Variants in PPM1L observed in about 807,000 individuals in gnomAD.
The protein encoded by PPM1L is protein phosphatase, Mg2+/Mn2+ dependent 1L.
A neutral mutation model predicts 31.4 loss-of-function variants in PPM1L; 13 were observed. That is an observed-to-expected ratio of 0.41 (90% CI 0.27 to 0.66). The LOEUF is 0.66. Ranked by LOEUF, PPM1L falls within the 30% of genes least tolerant of loss-of-function variation. The probability of loss-of-function intolerance (pLI) is 0.29; values close to 1 mark genes in which losing one functional copy is unlikely to be tolerated. For synonymous variants in PPM1L, 184 were observed against 175.4 expected (o/e 1.05, Z -0.39); for missense variants, 326 against 453.7 (o/e 0.72, Z 2.56).
chr3:160,950,818 G>C (rs1275727426), intron 1 of PPM1L, among the ~76,000 whole-genome samples: 2 of 152,194 alleles, frequency 1.3e-5, no homozygotes, highest in African/African-American at 4.8e-5. Context: ...ACTTCTACCA[G>C]TTCCACTGGC....
At chr3:160,783,763 T>C (rs1711818308) in intron 1 of PPM1L, among the ~76,000 whole-genome samples, 2 of 152,158 alleles carry the variant, frequency 1.3e-5, no homozygotes, top group African/African-American at 4.8e-5. Flanking sequence ...GTCTCTCTAT[T>C]TCTCTGTTGA....
At chr3:160,833,625 T>G (rs1010227028) in intron 1 of PPM1L, among the ~76,000 whole-genome samples, 6 of 151,184 alleles carry the variant, frequency 4.0e-5, no homozygotes, top group Non-Finnish European at 5.9e-5. Flanking sequence ...TTTAATGGGG[T>G]TTTTTTTTCT....
At chr3:160,903,387 C>T (rs1713627423) in intron 1 of PPM1L, among the ~76,000 whole-genome samples, 4 of 152,168 alleles carry the variant, frequency 2.6e-5, no homozygotes, top group Admixed American at 6.6e-5. Flanking sequence ...CCTAGGAAAA[C>T]TCAATTTTTG....
rs368726333 is a variant in PPM1L at position 160,828,625 on chromosome 3, C to A, written c.399+71918C>A. 2.0e-4 allele frequency among the ~76,000 whole-genome samples: 30 copies of A among 152,138 alleles called. No individual in the cohort carries two copies. In the South Asian group the frequency reaches 3.7e-3, roughly 19 times the overall value. On this transcript the variant is annotated intron_variant, in intron 1 of 3. Transcript: ENST00000498165. ...TATTGCTGGGGGTGGGTAGAGACTG[C>A]AGGTTTTGGTAGGAAGTGAGCGTCA...
intron 1 of PPM1L, among the ~76,000 whole-genome samples, chr3:160,897,953 A>G (rs376722723): frequency 7.2e-5 from 11 of 152,362 alleles, no homozygotes; most frequent in African/African-American, 2.6e-4. Context: ...TAGTACCAAC[A>G]AAATGGAGTA....
chr3:160,976,732 AT>A (rs566078939), intron 2 of PPM1L, among the ~76,000 whole-genome samples: 120 of 150,642 alleles, frequency 8.0e-4, no homozygotes, highest in African/African-American at 2.9e-3. Context: ...CCCCTTTATC[AT>A]TTTTTATTGC....
chr3:160,878,319 A>G (rs1157006901), intron 1 of PPM1L, among the ~76,000 whole-genome samples: 1 of 152,194 alleles, frequency 6.6e-6, no homozygotes, highest in Non-Finnish European at 1.5e-5. Flanking sequence ...AGAACAAAAA[A>G]TCATAGACTG....
intron 1 of PPM1L, among the ~76,000 whole-genome samples, chr3:160,840,061 A>G (rs1057501222): frequency 6.6e-6 from 1 of 152,122 alleles, no homozygotes; most frequent in African/African-American, 2.4e-5. Flanking sequence ...AAGGTAACTG[A>G]TTTCTTTATG....
chr3:160,813,879 T>C (rs1447497035), intron 1 of PPM1L, among the ~76,000 whole-genome samples: 2 of 152,210 alleles, frequency 1.3e-5, no homozygotes, highest in African/African-American at 2.4e-5. Flanking sequence ...GCATACGTTT[T>C]ACATCTACTT....
At chr3:160,946,876 T>A (rs2108094324) in intron 1 of PPM1L, among the ~76,000 whole-genome samples, 1 of 152,358 alleles carries the variant, frequency 6.6e-6, no homozygotes, top group Middle Eastern at 3.4e-3. Flanking sequence ...TATCAATTGA[T>A]GCTATTTTAG....
At position 160,944,766 on chromosome 3, in the gene PPM1L, A is replaced by G. The variant is rs566078372; in HGVS notation, c.400-16970A>G. Among the ~76,000 whole-genome samples the G allele has an allele frequency of 3.4e-3, 191 of 56,032 alleles. 24 individuals are homozygous for G. The highest frequency in any genetic ancestry group is 0.014 in the Middle Eastern group (1 of 74). The allele number at this position is 56,032 out of a possible 152,430, so 36.8% of individuals were successfully genotyped here. On this transcript the variant is annotated intron_variant, in intron 1 of 3. Coordinates refer to ENST00000498165, the MANE Select transcript of PPM1L (RefSeq NM_139245.4). ...TTATATAATATATATGTTATATATA[A>G]CATGTTATATATTATATTATATATG...
At chr3:160,927,625 T>TGTGC (rs1714642116) in intron 1 of PPM1L, among the ~76,000 whole-genome samples, 1 of 152,124 alleles carries the variant, frequency 6.6e-6, no homozygotes. Context: ...TGTGTGTGTG[T>TGTGC]GTGCGTGCGT....
intron 2 of PPM1L, among the ~76,000 whole-genome samples, chr3:161,037,810 C>A (rs1347608898): frequency 6.6e-6 from 1 of 151,952 alleles, no homozygotes; most frequent in South Asian, 2.1e-4. Context: ...CCCTACTAAG[C>A]CCCTCAGGAT....
chr3:160,882,854 T>TA (rs1712773285), intron 1 of PPM1L, among the ~76,000 whole-genome samples: 1 of 152,236 alleles, frequency 6.6e-6, no homozygotes, highest in South Asian at 2.1e-4. Flanking sequence ...CTTTATCCTA[T>TA]AAGAGACAGT....
At chr3:161,005,549 C>G (rs1314600770) in intron 2 of PPM1L, among the ~76,000 whole-genome samples, 1 of 152,168 alleles carries the variant, frequency 6.6e-6, no homozygotes, top group Non-Finnish European at 1.5e-5. Flanking sequence ...TACAGAAGCT[C>G]TGGAACCAGC....
chr3:161,052,447 G>C (rs1719306031), intron 2 of PPM1L, among the ~76,000 whole-genome samples: 1 of 152,166 alleles, frequency 6.6e-6, no homozygotes, highest in South Asian at 2.1e-4. Context: ...CCAAAACCTT[G>C]GTTGATAGAT....
intron 1 of PPM1L, among the ~76,000 whole-genome samples, chr3:160,808,506 T>A (rs1298117343): frequency 6.6e-6 from 1 of 152,074 alleles, no homozygotes; most frequent in Non-Finnish European, 1.5e-5. Context: ...TGAGGAGCCC[T>A]GGCCTATAGC....
intron 2 of PPM1L, among the ~76,000 whole-genome samples, chr3:161,042,192 T>C (rs1718932457): frequency 6.6e-6 from 1 of 152,192 alleles, no homozygotes; most frequent in East Asian, 1.9e-4. Context: ...AGAAATGTTG[T>C]TTTTCTATTC....
chr3:161,049,277 C>CAA (rs919176705), intron 2 of PPM1L, among the ~76,000 whole-genome samples: 3 of 140,052 alleles, frequency 2.1e-5, no homozygotes, highest in Admixed American at 7.2e-5. Context: ...GATCCTGTCT[C>CAA]AAAAAAAAAA....
Sources: allele counts gnomAD v4.1 joint callset (sites outside exome capture counted in the v4.1 genomes callset), GRCh38; gene constraint gnomAD v4.1.1; transcripts MANE v1.5; gene names NCBI Gene and HGNC (gene_info 2026-07-23, HGNC 2026-07-21).